Variants in TRMT1 observed in about 807,000 individuals in gnomAD.
The protein encoded by TRMT1 is tRNA methyltransferase 1.
Under a neutral mutation model 75.4 loss-of-function variants are expected in TRMT1, and 63 were observed. The ratio of observed to expected loss-of-function variants is 0.84; its 90% CI spans 0.68 to 1.03. The LOEUF (loss-of-function observed/expected upper bound fraction) is 1.03, where lower values mean the gene tolerates loss of function less well. Among genes scored for constraint, TRMT1 ranks in the 50% least tolerant of loss-of-function variants. TRMT1 has a pLI of 0.00. For synonymous variants in TRMT1, 382 were observed against 358.1 expected (o/e 1.07, Z -0.75); for missense variants, 870 against 905.3 (o/e 0.96, Z 0.50).
At position 13,114,671 on chromosome 19, in the gene TRMT1, AT is replaced by A. The variant is rs746951486; in HGVS notation, c.641+607del. On this transcript the variant is annotated intron_variant, in intron 5 of 16. Transcript: ENST00000357720. The stretch of plus-strand genomic sequence containing the variant: ...AGCGAGACTCCGTGTCAAAAAATAA[AT>A]AAATAAATAAAAATAAAAATTAGCC... Among the ~76,000 whole-genome samples the A allele has an allele frequency of 5.9e-3, 897 of 151,934 alleles. 3 individuals are homozygous for A. Among genetic ancestry groups the A allele is most frequent in the Non-Finnish European group, 9.6e-3 (653 of 67,990 alleles).
rs373671146 is a variant in TRMT1, at chr19:13,116,315, G to C, written c.85C>G (p.Pro29Ala). ...SRARFFEWQS[P>A]GLPNTAAMEN... ...ATCGCTGCTGTATTCGGCAGCCCTG[G>C]AGACTGCCACTCGAAAAACCGGGCT... The change falls in exon 2 of 17, where the codon CCA (proline) becomes GCA (alanine). Residue 29 changes from proline to alanine, a missense_variant. Transcript: ENST00000357720. The C allele has an allele frequency of 4.3e-5, 70 of 1,613,872 alleles. No homozygotes were observed. In the African/African-American group the frequency reaches 8.7e-4, roughly 20 times the overall value.
In TRMT1 at chr19:13,116,343, A is replaced by C. The variant is rs2019358830; in HGVS notation, c.57T>G (p.Ser19=). 6.2e-7 allele frequency: 1 copy of C among 1,613,408 alleles called. No individual in the cohort carries two copies. Among genetic ancestry groups the C allele is most frequent in the African/African-American group, 1.3e-5 (1 of 74,906 alleles). ...ACTGCCACTCGAAAAACCGGGCTCT[A>C]GAGAGCACCCGGGCGGAGCGGAAAG... ...SLTFRSARVL[S]RARFFEWQSP... The change falls in exon 2 of 17, where the codon TCT becomes TCG. Residue 19 remains serine (S), a synonymous_variant. Coordinates refer to ENST00000357720, the MANE Select transcript of TRMT1 (RefSeq NM_001136035.4).
intron 14 of TRMT1, 66 bp downstream of exon 14, chr19:13,107,508 C>G (rs908338758): frequency 6.6e-7 from 1 of 1,518,246 alleles, no homozygotes; most frequent in East Asian, 2.4e-5. Flanking sequence ...TCTGTGTTGT[C>G]TGCACACACA....
chr19:13,116,106 C>G, intron 2 of TRMT1, 40 bp downstream of exon 2: 2 of 1,613,998 alleles, frequency 1.2e-6, no homozygotes. Flanking sequence ...CCACACTGAC[C>G]CACTAGCCGA....
At chr19:13,112,637 A>T in intron 7 of TRMT1, 68 bp downstream of exon 7, 2 of 1,473,316 alleles carry the variant, frequency 1.4e-6, no homozygotes, top group Non-Finnish European at 1.9e-6. Flanking sequence ...GGGAAAGTGT[A>T]TTGGGAAGGG....
chr19:13,105,113 C>T (rs2018793424), intron 16 of TRMT1, 32 bp from the exon 17 acceptor site: 7 of 1,558,864 alleles, frequency 4.5e-6, no homozygotes, highest in Non-Finnish European at 6.1e-6. Context: ...TGAACCCCTG[C>T]CCGGAGCTCA....
chr19:13,107,919 T>A, intron 12 of TRMT1, 60 bp from the exon 13 acceptor site: 1 of 1,424,370 alleles, frequency 7.0e-7, no homozygotes, highest in South Asian at 1.2e-5. Flanking sequence ...AAGCCCAAGC[T>A]GACCAGCGTA....
At position 13,112,985 on chromosome 19, in the gene TRMT1, A is replaced by C. The variant is rs764724080; in HGVS notation, c.668T>G (p.Val223Gly). The C allele has an allele frequency of 6.2e-7, 1 of 1,612,692 alleles. No homozygotes were observed. The highest frequency in any genetic ancestry group is 1.1e-5 in the South Asian group (1 of 90,844). Residue 223 changes from valine to glycine, a missense_variant, in exon 6 of 17, where the codon GTG becomes GGG. Transcript: ENST00000357720. ...ARMLMYQHQR[V>G]SERFDVIDLD... ...ATCGATGACGTCAAACCTCTCCGAC[A>C]CCCTCTGGTGCTGGTACATCAGCAT... is the stretch of plus-strand genomic sequence containing the variant.
At chr19:13,106,319 C>T (rs1365292967) in intron 14 of TRMT1, among the ~76,000 whole-genome samples, 1 of 152,088 alleles carries the variant, frequency 6.6e-6, no homozygotes, top group African/African-American at 2.4e-5. Flanking sequence ...GCGATCTTCC[C>T]GCCTTGGCCC....
chr19:13,109,385 A>C lies in TRMT1; in HGVS notation c.1393T>G (p.Leu465Val). Residue 465 changes from leucine to valine, a missense_variant, in exon 12 of 17, where the codon TTG (leucine) becomes GTG (valine). By Grantham distance (32) the Leu-to-Val change is conservative. Coordinates refer to ENST00000357720, the MANE Select transcript of TRMT1 (RefSeq NM_001136035.4). Reference sequence around the variant, plus strand: ...CCCGACCCCAGGGGCTCTTACCGCAACTGCAGGAGGCTTGGTGTGTTGCAG... The same window carrying C: ...CCCGACCCCAGGGGCTCTTACCGCACCTGCAGGAGGCTTGGTGTGTTGCAG... ...IHCNTPSLLQLRSALLHADFR... is the reference protein window; with the variant it reads ...IHCNTPSLLQVRSALLHADFR... 1 of 1,612,526 alleles carries C rather than the reference A, an allele frequency of 6.2e-7. No homozygotes were observed. The highest frequency in any genetic ancestry group is 1.1e-5 in the South Asian group (1 of 90,992).
intron 7 of TRMT1, among the ~76,000 whole-genome samples, chr19:13,112,412 T>A (rs2019174222): frequency 6.6e-6 from 1 of 151,700 alleles, no homozygotes; most frequent in Admixed American, 6.6e-5. Flanking sequence ...AAACGACCTT[T>A]AAAAAAAAAA....
At chr19:13,110,425 C>T in intron 7 of TRMT1, 119 bp from the exon 8 acceptor site, 9 of 1,215,902 alleles carry the variant, frequency 7.4e-6, no homozygotes, top group Non-Finnish European at 1.0e-5. Context: ...AAGCCCACCC[C>T]TGAAAGTCCT....
chr19:13,105,288 A>G lies in TRMT1; in HGVS notation c.1812T>C (p.Phe604=). 1.2e-6 allele frequency: 2 copies of G among 1,613,906 alleles called. No individual in the cohort carries two copies. Among genetic ancestry groups the G allele is most frequent in the Non-Finnish European group, 1.7e-6 (2 of 1,179,978 alleles). The change falls in exon 16 of 17, where the codon TTT becomes TTC. Residue 604 remains phenylalanine (F), a synonymous_variant. Coordinates refer to ENST00000357720, the MANE Select transcript of TRMT1 (RefSeq NM_001136035.4). Reference sequence around the variant, plus strand: ...TCACCTCCTTAAACCTCTTGCAAGGAAATGTCTTGAGCCGGGCAGCCCGCT... The same window carrying G: ...TCACCTCCTTAAACCTCTTGCAAGGGAATGTCTTGAGCCGGGCAGCCCGCT... ...VAQRAARLKT[F]PCKRFKEGTC... is the part of the protein sequence containing the mutation.
chr19:13,115,922 G>A, intron 3 of TRMT1, 75 bp downstream of exon 3: 3 of 1,611,986 alleles, frequency 1.9e-6, no homozygotes, highest in Non-Finnish European at 2.5e-6. Context: ...CTCTGGATTT[G>A]GGCGGCAGAA....
intron 14 of TRMT1, 26 bp from the exon 15 acceptor site, chr19:13,105,632 G>A (rs2018831802): frequency 3.1e-6 from 5 of 1,599,102 alleles, no homozygotes; most frequent in Non-Finnish European, 4.3e-6. Flanking sequence ...TGGGGCGTTG[G>A]GGCTGGGGGA....
At chr19:13,108,590 G>A (rs1266264737) in intron 12 of TRMT1, among the ~76,000 whole-genome samples, 1 of 151,854 alleles carries the variant, frequency 6.6e-6, no homozygotes, top group Non-Finnish European at 1.5e-5. Context: ...ACCACACCTG[G>A]CCTTTTTCTT....
chr19:13,116,678 A>C lies in TRMT1; in HGVS notation c.-58T>G. 1 of 470,294 alleles carries C rather than the reference A, an allele frequency of 2.1e-6. No homozygotes were observed. The highest frequency in any genetic ancestry group is 3.8e-6 in the Non-Finnish European group (1 of 263,754). The allele number at this position is 470,294 out of a possible 1,614,324, so 29.1% of individuals were successfully genotyped here. A position where few individuals can be genotyped will look rare whatever the true frequency, so the allele number is the denominator to read the frequency against. The stretch of plus-strand genomic sequence containing the variant: ...CTGCTCTCGTAGCCACAGAAAACCG[A>C]ATTAGTCAAGGTGCACGTTTCCCGA... On this transcript the variant is annotated 5_prime_UTR_variant, in exon 1 of 17. It adds an upstream start codon to the 5' untranslated region. Coordinates refer to ENST00000357720, the MANE Select transcript of TRMT1 (RefSeq NM_001136035.4).
chr19:13,111,871 T>C (rs998985596), intron 7 of TRMT1, among the ~76,000 whole-genome samples: 3 of 150,664 alleles, frequency 2.0e-5, no homozygotes, highest in African/African-American at 7.4e-5. Flanking sequence ...GGCTAAGTTT[T>C]TGTATGTTTA....
chr19:13,112,395 C>G (rs189612120), intron 7 of TRMT1, among the ~76,000 whole-genome samples: 1 of 152,242 alleles, frequency 6.6e-6, no homozygotes, highest in East Asian at 1.9e-4. Flanking sequence ...TAAACCCAGT[C>G]CTGGAAAAAC....
Sources: allele counts gnomAD v4.1 joint callset (sites outside exome capture counted in the v4.1 genomes callset), GRCh38; gene constraint gnomAD v4.1.1; transcripts MANE v1.5; gene names NCBI Gene and HGNC (gene_info 2026-07-23, HGNC 2026-07-21).